Variants in SNTG1 observed in about 807,000 individuals in gnomAD.
SNTG1 encodes gamma-1-syntrophin.
In SNTG1, 39 loss-of-function variants were observed where a neutral mutation model predicts 74.7. That is an observed-to-expected ratio of 0.52 (90% CI 0.40 to 0.68). The LOEUF is 0.68. SNTG1 is among the 30% of genes least tolerant of loss of function. The probability of loss-of-function intolerance (pLI) is 0.00; values close to 1 mark genes in which losing one functional copy is unlikely to be tolerated. For missense variants in SNTG1, 685 were observed against 609.5 expected (o/e 1.12, Z -1.30); for synonymous variants, 254 against 217.1 (o/e 1.17, Z -1.49).
intron 2 of SNTG1, among the ~76,000 whole-genome samples, chr8:50,251,410 A>G (rs997694526): frequency 1.7e-4 from 26 of 152,128 alleles, no homozygotes; most frequent in African/African-American, 6.0e-4. Context: ...AAGTGGATTA[A>G]ATTTTCCAAT....
chr8:50,256,128 G>T (rs1052550082), intron 2 of SNTG1, among the ~76,000 whole-genome samples: 1 of 151,826 alleles, frequency 6.6e-6, no homozygotes, highest in Non-Finnish European at 1.5e-5. Flanking sequence ...TCTCTTCACC[G>T]ACATAGCAGT....
At chr8:50,326,362 C>A (rs2090748771) in intron 2 of SNTG1, among the ~76,000 whole-genome samples, 1 of 151,938 alleles carries the variant, frequency 6.6e-6, no homozygotes, top group Non-Finnish European at 1.5e-5. Flanking sequence ...GCTTCAATTT[C>A]TTTTATAGAT....
rs1554521645 is a variant in SNTG1 at position 50,423,271 on chromosome 8, TTC to T, written c.163-15268_163-15267del. On this transcript the variant is annotated intron_variant, in intron 4 of 18. Coordinates refer to ENST00000642720, the MANE Select transcript of SNTG1 (RefSeq NM_018967.5). ...TAACAGAAATTTTTAAATCAGTTTG[TTC>T]TCTGTTATGTTTATAGCATGTAAAA... 3.9e-5 allele frequency among the ~76,000 whole-genome samples: 6 copies of T among 152,306 alleles called. No individual in the cohort carries two copies. In the South Asian group the frequency reaches 8.3e-4, roughly 21 times the overall value.
At chr8:50,477,248 G>T (rs2093704267) in intron 8 of SNTG1, among the ~76,000 whole-genome samples, 1 of 152,072 alleles carries the variant, frequency 6.6e-6, no homozygotes. Context: ...AGGAAATTTA[G>T]CGTGTAGAAA....
chr8:50,391,878 G>C (rs2092666829), intron 2 of SNTG1, among the ~76,000 whole-genome samples: 1 of 152,024 alleles, frequency 6.6e-6, no homozygotes, highest in African/African-American at 2.4e-5. Context: ...CACTATAATA[G>C]TTAAAAAGAA....
intron 8 of SNTG1, among the ~76,000 whole-genome samples, chr8:50,487,801 C>A (rs1587792976): frequency 6.7e-6 from 1 of 150,012 alleles, no homozygotes; most frequent in South Asian, 2.1e-4. Flanking sequence ...CTAACCTGCA[C>A]AATGTGCACA....
chr8:50,734,875 A>G (rs1350396102), intron 17 of SNTG1, among the ~76,000 whole-genome samples: 1 of 125,212 alleles, frequency 8.0e-6, no homozygotes, highest in East Asian at 2.1e-4. Context: ...ATATATGGAC[A>G]TATATATATC....
intron 2 of SNTG1, among the ~76,000 whole-genome samples, chr8:50,338,987 A>G (rs2091237390): frequency 6.6e-6 from 1 of 152,154 alleles, no homozygotes; most frequent in African/African-American, 2.4e-5. Flanking sequence ...AACACAAAAT[A>G]CTATGCCTAA....
At position 50,380,682 on chromosome 8, in the gene SNTG1, G is replaced by A. The variant is rs181248726; in HGVS notation, c.-27-13530G>A. Among the ~76,000 whole-genome samples the A allele has an allele frequency of 1.0e-3, 156 of 152,288 alleles. 3 individuals carry two copies. The highest frequency in any genetic ancestry group is 6.2e-4 in the Non-Finnish European group (42 of 68,032). On this transcript the variant is annotated intron_variant, in intron 2 of 18. Transcript: ENST00000642720. The stretch of plus-strand genomic sequence containing the variant: ...TCTCCTGGGCAATGGAGCATTTGAA[G>A]GGAAGCAGTCTTATGTTTTATATTC...
chr8:49,911,210 T>C (rs980790662), upstream of SNTG1: 3 of 152,224 alleles, frequency 2.0e-5, no homozygotes, highest in Non-Finnish European at 4.4e-5. Flanking sequence ...TGTGGTCCCC[T>C]TAATTGGTAA....
At chr8:49,999,043 A>C (rs1269154991) in intron 1 of SNTG1, among the ~76,000 whole-genome samples, 1 of 152,168 alleles carries the variant, frequency 6.6e-6, no homozygotes, top group Non-Finnish European at 1.5e-5. Flanking sequence ...GGCGAATGGA[A>C]GTGTTCAACT....
rs199937734 is a variant in SNTG1, at chr8:49,988,209, G to A, written c.-103+75978G>A. 2.0e-5 allele frequency among the ~76,000 whole-genome samples: 3 copies of A among 152,188 alleles called. No homozygotes were observed. The East Asian group carries it at 5.8e-4, about 29-fold the overall frequency. On this transcript the variant is annotated intron_variant, in intron 1 of 18. Coordinates refer to ENST00000642720, the MANE Select transcript of SNTG1 (RefSeq NM_018967.5). Reference sequence around the variant, plus strand: ...GGATAAAGGGGATAAAAATGGGCGTGCAGAGTTGTTACAATATATTATCTA... The same window carrying A: ...GGATAAAGGGGATAAAAATGGGCGTACAGAGTTGTTACAATATATTATCTA...
chr8:50,191,117 G>T (rs2083557861), intron 2 of SNTG1, among the ~76,000 whole-genome samples: 1 of 151,972 alleles, frequency 6.6e-6, no homozygotes, highest in Admixed American at 6.6e-5. Context: ...CCTTCTGAAA[G>T]CTCCAAAGTT....
At chr8:50,721,837 G>C (rs549436681) in intron 17 of SNTG1, among the ~76,000 whole-genome samples, 1 of 152,098 alleles carries the variant, frequency 6.6e-6, no homozygotes, top group Admixed American at 6.5e-5. Context: ...AAAGGGCCCA[G>C]CACAGTGAAT....
At chr8:50,564,935 A>G (rs977618319) in intron 12 of SNTG1, among the ~76,000 whole-genome samples, 1 of 152,102 alleles carries the variant, frequency 6.6e-6, no homozygotes, top group Non-Finnish European at 1.5e-5. Context: ...AGTGGAAAAT[A>G]TACAACTTTG....
chr8:49,929,158 GTAGTA>G (rs1435088547), intron 1 of SNTG1, among the ~76,000 whole-genome samples: 1 of 152,140 alleles, frequency 6.6e-6, no homozygotes, highest in Non-Finnish European at 1.5e-5. Context: ...TTAAAAGTTA[GTAGTA>G]TATTGACAAC....
At chr8:50,112,274 G>A (rs1462151040) in intron 1 of SNTG1, among the ~76,000 whole-genome samples, 1 of 151,814 alleles carries the variant, frequency 6.6e-6, no homozygotes, top group Admixed American at 6.6e-5. Flanking sequence ...GAATAATGTA[G>A]GAAACCAGGT....
intron 15 of SNTG1, among the ~76,000 whole-genome samples, chr8:50,672,970 A>T (rs1042226506): frequency 1.3e-5 from 2 of 152,174 alleles, no homozygotes; most frequent in African/African-American, 4.8e-5. Flanking sequence ...TGTTTTTGTC[A>T]GGTTTGTCGA....
At chr8:50,606,725 CATGTTG>C (rs903048436) in intron 13 of SNTG1, among the ~76,000 whole-genome samples, 1 of 151,852 alleles carries the variant, frequency 6.6e-6, no homozygotes, top group African/African-American at 2.4e-5. Context: ...TGTTCTTTAG[CATGTTG>C]ATGAAATACC....
Sources: gnomAD v4.1 joint callset for allele counts (sites outside exome capture counted in the v4.1 genomes callset) on GRCh38, gnomAD v4.1.1 for gene constraint, MANE v1.5 for transcripts, NCBI Gene and HGNC (gene_info 2026-07-23, HGNC 2026-07-21) for gene names.